Variants in KNTC1 observed in about 807,000 individuals in gnomAD.
KNTC1 encodes the protein kinetochore associated 1.
KNTC1 carries 253 observed loss-of-function variants against 314.4 expected under a neutral mutation model. The ratio of observed to expected loss-of-function variants is 0.80; its 90% CI spans 0.73 to 0.89. The LOEUF is 0.89. KNTC1 is among the 40% of genes least tolerant of loss of function. The pLI, the probability that KNTC1 is intolerant of heterozygous loss-of-function variation, is 0.00. For missense variants in KNTC1, 2,475 were observed against 2,572.9 expected (o/e 0.96, Z 0.82); for synonymous variants, 901 against 901.4 (o/e 1.00, Z 0.01).
chr12:122,564,674 G>A lies in KNTC1; in HGVS notation c.1604+1975G>A, dbSNP rs540426121. ...TTTTTTAGAAATGCAGTCTCTCTGT[G>A]TTGTCCACGCCGGTCTTGAACTCCT... On this transcript the variant is annotated intron_variant, in intron 20 of 63. Transcript: ENST00000333479. Among the ~76,000 whole-genome samples the A allele has an allele frequency of 9.2e-5, 14 of 152,036 alleles. No homozygotes were observed. In the South Asian group the frequency reaches 2.7e-3, roughly 29 times the overall value.
chr12:122,544,992 A>G (rs1056330153), intron 8 of KNTC1, among the ~76,000 whole-genome samples: 1 of 152,130 alleles, frequency 6.6e-6, no homozygotes, highest in Non-Finnish European at 1.5e-5. Flanking sequence ...TGAAATGGGA[A>G]CGTGGACAAG....
chr12:122,582,054 C>A (rs1868480728), intron 33 of KNTC1, among the ~76,000 whole-genome samples: 1 of 152,132 alleles, frequency 6.6e-6, no homozygotes, highest in Non-Finnish European at 1.5e-5. Flanking sequence ...TGGAATCATA[C>A]AATTAAGCAT....
At chr12:122,557,307 C>A in intron 16 of KNTC1, 77 bp from the exon 17 acceptor site, 1 of 1,401,584 alleles carries the variant, frequency 7.1e-7, no homozygotes, top group Non-Finnish European at 9.8e-7. Flanking sequence ...TTGTTTCACT[C>A]AGCTTACTCT....
chr12:122,559,960 G>T (rs765299950), intron 18 of KNTC1, among the ~76,000 whole-genome samples: 1 of 151,992 alleles, frequency 6.6e-6, no homozygotes, highest in East Asian at 1.9e-4. Context: ...TCTTTTCATC[G>T]TTGTGAAACT....
intron 22 of KNTC1, among the ~76,000 whole-genome samples, chr12:122,570,412 G>C (rs1964608524): frequency 6.6e-6 from 1 of 151,576 alleles, no homozygotes; most frequent in South Asian, 2.1e-4. Flanking sequence ...AGCCACTCGG[G>C]AGTCTGAGGC....
intron 62 of KNTC1, among the ~76,000 whole-genome samples, chr12:122,623,076 C>T (rs1214432183): frequency 6.6e-6 from 1 of 152,136 alleles, no homozygotes; most frequent in Non-Finnish European, 1.5e-5. Context: ...CATTTAATAA[C>T]CCAATTTCTT....
intron 50 of KNTC1, 33 bp downstream of exon 50, chr12:122,605,120 A>T (rs1230140921): frequency 7.7e-6 from 12 of 1,549,804 alleles, no homozygotes; most frequent in Non-Finnish European, 9.7e-6. Flanking sequence ...GTTGTCCAAG[A>T]AAAGCTATTA....
rs998999805 is a variant in KNTC1, at chr12:122,613,875, CTG to C, written c.5877+116_5877+117del. ...TTGTTGTTGGGGACAGAGTTTTGCT[CTG>C]TTGCCCAGGCTGGAGTACAGTGGTG... On this transcript the variant is annotated intron_variant, in intron 55 of 63. Transcript: ENST00000333479. 2.6e-6 allele frequency: 3 copies of C among 1,133,300 alleles called. No homozygotes were observed. The African/African-American group carries it at 4.8e-5, about 18-fold the overall frequency. 70.2% of individuals were successfully genotyped at this position (1,133,300 alleles called of 1,614,324 possible).
At chr12:122,533,830 G>A (rs1404460706) in intron 2 of KNTC1, among the ~76,000 whole-genome samples, 1 of 150,724 alleles carries the variant, frequency 6.6e-6, no homozygotes, top group Non-Finnish European at 1.5e-5. Flanking sequence ...GGAAGAATAG[G>A]ACTGGTTAAC....
Position 122,589,922 on chromosome 12 carries a change from T to C in KNTC1, c.4000-685T>C, listed in dbSNP as rs540799076. 8.6e-5 allele frequency among the ~76,000 whole-genome samples: 13 copies of C among 151,656 alleles called. No individual in the cohort carries two copies. In the South Asian group the frequency reaches 2.7e-3, roughly 32 times the overall value. On this transcript the variant is annotated intron_variant, in intron 40 of 63. Coordinates refer to ENST00000333479, the MANE Select transcript of KNTC1 (RefSeq NM_014708.6). The stretch of plus-strand genomic sequence containing the variant: ...CCTCAGCCTCCTGAGTAGGTGGGAC[T>C]ACAGGTGCCCACCACCACGCCTGGC...
chr12:122,598,915 T>A (rs11058879), intron 44 of KNTC1, among the ~76,000 whole-genome samples: 1,701 of 152,006 alleles, frequency 0.011, 15 homozygotes, highest in Non-Finnish European at 0.018. Flanking sequence ...GCTCAAGTGA[T>A]CCTTCTACCT....
chr12:122,566,327 C>T (rs1211956880), intron 20 of KNTC1, among the ~76,000 whole-genome samples: 3 of 151,526 alleles, frequency 2.0e-5, no homozygotes, highest in Non-Finnish European at 4.4e-5. Context: ...GACTCTGGCT[C>T]ACTGCAGCCT....
At chr12:122,563,776 G>C in intron 20 of KNTC1, 1 of 1,472,522 alleles carries the variant, frequency 6.8e-7, no homozygotes, top group Non-Finnish European at 9.0e-7. Flanking sequence ...CGCCAGTCGT[G>C]CCCATATGAT....
Position 122,601,574 on chromosome 12 carries a change from G to C in KNTC1, c.4602G>C (p.Leu1534Phe). The C allele has an allele frequency of 1.3e-6, 2 of 1,536,776 alleles. No individual in the cohort carries two copies. Among genetic ancestry groups the C allele is most frequent in the South Asian group, 2.5e-5 (2 of 79,934 alleles). ...PYDYEMIEVV[L>F]KVIERADEKI... ...ACTATGAAATGATTGAAGTTGTCTT[G>C]AAAGTTATAGAACGAGCTGATGAAA... is the stretch of plus-strand genomic sequence containing the variant. Residue 1534 changes from leucine (L) to phenylalanine (F), a missense_variant, in exon 45 of 64, where the codon TTG becomes TTC. By Grantham distance (22) the Leu-to-Phe change is conservative. Coordinates refer to ENST00000333479, the MANE Select transcript of KNTC1 (RefSeq NM_014708.6).
At chr12:122,542,259 A>G (rs544352012) in intron 6 of KNTC1, 132 bp downstream of exon 6, 1 of 601,668 alleles carries the variant, frequency 1.7e-6, no homozygotes, top group East Asian at 3.5e-5. Flanking sequence ...AATTGGGTAT[A>G]CTGTTAAGTA....
intron 62 of KNTC1, among the ~76,000 whole-genome samples, chr12:122,623,507 G>A (rs1046629190): frequency 2.0e-5 from 3 of 152,102 alleles, no homozygotes; most frequent in African/African-American, 4.8e-5. Context: ...ATTAGATATT[G>A]TCATTTTTGA....
intron 4 of KNTC1, among the ~76,000 whole-genome samples, chr12:122,538,822 A>G (rs976083935): frequency 7.2e-5 from 11 of 152,202 alleles, no homozygotes; most frequent in African/African-American, 2.4e-4. Context: ...ATGTAGAGGC[A>G]GGGAACTTTT....
intron 63 of KNTC1, among the ~76,000 whole-genome samples, chr12:122,625,348 A>G (rs1874909870): frequency 6.6e-6 from 1 of 152,102 alleles, no homozygotes; most frequent in Admixed American, 6.5e-5. Context: ...GGTTGCAGTG[A>G]GCTGAGGTCA....
chr12:122,584,907 G>A lies in KNTC1; in HGVS notation c.3451G>A (p.Ala1151Thr). The A allele has an allele frequency of 6.4e-7, 1 of 1,558,532 alleles. No homozygotes were observed. The highest frequency in any genetic ancestry group is 8.8e-7 in the Non-Finnish European group (1 of 1,132,310). Residue 1151 changes from alanine (A) to threonine (T), a missense_variant, in exon 36 of 64, where the codon GCT becomes ACT. Transcript: ENST00000333479. ...TICSPDFLLD[A>T]LELCKHTLMA... Reference sequence around the variant, plus strand: ...TTTTGTTTCAGATTTTTTACTAGATGCTTTAGAACTATGTAAACATACTTT... The same window carrying A: ...TTTTGTTTCAGATTTTTTACTAGATACTTTAGAACTATGTAAACATACTTT...
Sources: gnomAD v4.1 joint callset for allele counts (sites outside exome capture counted in the v4.1 genomes callset) on GRCh38, gnomAD v4.1.1 for gene constraint, MANE v1.5 for transcripts, NCBI Gene and HGNC (gene_info 2026-07-23, HGNC 2026-07-21) for gene names.